The following CSRNP2 variants were observed in gnomAD, a reference collection of about 807,000 sequenced individuals.
CSRNP2 encodes cysteine and serine rich nuclear protein 2.
A neutral mutation model predicts 36.6 loss-of-function variants in CSRNP2; 11 were observed. The observed-to-expected ratio is 0.30, with a 90% CI of 0.19 to 0.50. The LOEUF (loss-of-function observed/expected upper bound fraction) is 0.50, where lower values mean the gene tolerates loss of function less well. CSRNP2 is among the 20% of genes least tolerant of loss of function. CSRNP2 has a pLI of 0.98. For missense variants in CSRNP2, 483 were observed against 691.4 expected, an observed-to-expected ratio of 0.70 and a Z score of 3.38; for synonymous variants, 248 against 275.3, an observed-to-expected ratio of 0.90 and a Z score of 0.98.
At chr12:51,080,407 T>TGCAGCAAA in intron 1 of CSRNP2, among the ~76,000 whole-genome samples, 1 of 152,204 alleles carries the variant, frequency 6.6e-6, no homozygotes, top group Non-Finnish European at 1.5e-5. Flanking sequence ...GGTTACTTTT[T>TGCAGCAAA]GTGAACTTGG....
At chr12:51,068,923 A>C (rs2136877610) in intron 3 of CSRNP2, among the ~76,000 whole-genome samples, 1 of 152,380 alleles carries the variant, frequency 6.6e-6, no homozygotes, top group East Asian at 1.9e-4. Flanking sequence ...CAAATATATT[A>C]ACAGGTATTA....
At chr12:51,081,809 TA>T (rs1471020874) in intron 1 of CSRNP2, among the ~76,000 whole-genome samples, 1 of 109,568 alleles carries the variant, frequency 9.1e-6, no homozygotes, top group African/African-American at 3.3e-5. Context: ...AGGATTCCTA[TA>T]ACCACCAAAA....
intron 1 of CSRNP2, among the ~76,000 whole-genome samples, chr12:51,079,182 A>T (rs961259834): frequency 2.0e-5 from 3 of 152,056 alleles, no homozygotes; most frequent in Non-Finnish European, 2.9e-5. Context: ...ATGAGAACAC[A>T]TGGACACAGG....
chr12:51,070,186 T>C (rs1484667295), intron 3 of CSRNP2, among the ~76,000 whole-genome samples: 1 of 152,158 alleles, frequency 6.6e-6, no homozygotes, highest in African/African-American at 2.4e-5. Context: ...GAGCCTTTGG[T>C]TGATTTCATC....
rs542165533 is a variant in CSRNP2, at chr12:51,077,630, T to C, written c.-86-983A>G. Among the ~76,000 whole-genome samples the C allele has an allele frequency of 7.2e-5, 11 of 152,274 alleles. No homozygotes were observed. The South Asian group carries it at 1.4e-3, about 20-fold the overall frequency. On this transcript the variant is annotated intron_variant, in intron 1 of 4. Transcript: ENST00000228515. ...CACCAGGCTTCTATAAAGGTCAAAT[T>C]TGGTACCAAAGAATGGACCCAAGAT...
chr12:51,069,294 T>C (rs1938807654), intron 3 of CSRNP2, among the ~76,000 whole-genome samples: 3 of 149,474 alleles, frequency 2.0e-5, no homozygotes, highest in Non-Finnish European at 3.0e-5. Context: ...TTTCTTTTTT[T>C]TTTTTTTTTT....
At position 51,064,019 on chromosome 12, in the gene CSRNP2, A is replaced by G. The variant is rs1267803722; in HGVS notation, c.1359T>C (p.Ser453=). 1 of 1,614,052 alleles carries G rather than the reference A, an allele frequency of 6.2e-7. No individual in the cohort carries two copies. The highest frequency in any genetic ancestry group is 8.5e-7 in the Non-Finnish European group (1 of 1,180,026). Residue 453 remains serine (S), a synonymous_variant, in exon 5 of 5, where the codon TCT becomes TCC. Coordinates refer to ENST00000228515, the MANE Select transcript of CSRNP2 (RefSeq NM_030809.3). ...FPKEKDLNVF[S]LPVTSLVACS... is the part of the protein sequence containing the mutation. The stretch of plus-strand genomic sequence containing the variant: ...AAGCCACGAGTGAGGTAACAGGGAG[A>G]GAGAAGACATTCAGATCCTTCTCCT...
chr12:51,069,834 A>G (rs1938908621), intron 3 of CSRNP2, among the ~76,000 whole-genome samples: 1 of 151,884 alleles, frequency 6.6e-6, no homozygotes, highest in Admixed American at 6.6e-5. Flanking sequence ...TTGGGACTAC[A>G]GGCGCCTGCC....
At chr12:51,082,657 C>G (rs1193606284) in intron 1 of CSRNP2, 1 of 152,154 alleles carries the variant, frequency 6.6e-6, no homozygotes, top group African/African-American at 2.4e-5. Context: ...GACCACAGCA[C>G]TAAAAGGGAC....
At position 51,062,260 on chromosome 12, in the gene CSRNP2, C is replaced by T. The variant is rs1322851566; in HGVS notation, c.*1486G>A. 1 of 152,180 alleles carries T rather than the reference C, an allele frequency of 6.6e-6. No homozygotes were observed. The highest frequency in any genetic ancestry group is 1.5e-5 in the Non-Finnish European group (1 of 68,054). The allele number at this position is 152,180 out of a possible 1,614,324, so 9.4% of individuals were successfully genotyped here. A position where few individuals can be genotyped will look rare whatever the true frequency, so the allele number is the denominator to read the frequency against. On this transcript the variant is annotated 3_prime_UTR_variant, in exon 5 of 5. Transcript: ENST00000228515. The stretch of plus-strand genomic sequence containing the variant: ...AAGATAAGTAGGAGTAGTGTCTCCC[C>T]CCCAACACAGTTTTTCACTTTTGTG...
intron 3 of CSRNP2, among the ~76,000 whole-genome samples, chr12:51,072,578 A>C (rs1027100525): frequency 1.4e-5 from 2 of 146,344 alleles, no homozygotes; most frequent in African/African-American, 5.0e-5. Flanking sequence ...AAAAAAAAAA[A>C]AAAAAAAAAA....
intron 1 of CSRNP2, among the ~76,000 whole-genome samples, chr12:51,081,858 A>AACC (rs755047595): frequency 1.1e-4 from 17 of 151,678 alleles, no homozygotes; most frequent in Admixed American, 5.2e-4. Context: ...ACAAAAAAAA[A>AACC]CAGCATATGT....
intron 2 of CSRNP2, 83 bp from the exon 3 acceptor site, chr12:51,074,165 T>C (rs1008746888): frequency 4.0e-5 from 58 of 1,445,248 alleles, no homozygotes; most frequent in East Asian, 5.0e-5. Flanking sequence ...TTGCCCAGGC[T>C]GGAGTGCTGT....
intron 3 of CSRNP2, among the ~76,000 whole-genome samples, chr12:51,070,451 T>C (rs1490381816): frequency 6.6e-6 from 1 of 152,090 alleles, no homozygotes; most frequent in Non-Finnish European, 1.5e-5. Context: ...CCCCTAAGCA[T>C]ACCCCCTCCT....
chr12:51,066,215 G>A (rs1938263455), intron 4 of CSRNP2, among the ~76,000 whole-genome samples: 1 of 152,188 alleles, frequency 6.6e-6, no homozygotes. Context: ...AGCACTTTGG[G>A]AGGCTGAGGC....
chr12:51,068,824 G>C (rs1477624862), intron 3 of CSRNP2, among the ~76,000 whole-genome samples: 1 of 152,062 alleles, frequency 6.6e-6, no homozygotes, highest in Non-Finnish European at 1.5e-5. Context: ...AAGGCTACCA[G>C]GTCTTAATCA....
In CSRNP2 at chr12:51,073,927, G is replaced by A. The variant is rs1359550252; in HGVS notation, c.307C>T (p.Arg103Trp). The change falls in exon 3 of 5, where the codon CGG becomes TGG. Residue 103 changes from arginine to tryptophan, a missense_variant. Arg to Trp is a moderately radical substitution (Grantham distance 101). This residue lies in a region of CSRNP2 where 206 missense variants were observed against 367.8 expected (regional missense o/e 0.56). Coordinates refer to ENST00000228515, the MANE Select transcript of CSRNP2 (RefSeq NM_030809.3). ...LGMAQRHNSV[R>W]SYTLCEFAQE... is the part of the protein sequence containing the mutation. ...GCAAACTCACAGAGTGTATAGCTCC[G>A]TACAGAGTTATGGCGCTGGGCCATG... The A allele has an allele frequency of 1.2e-6, 2 of 1,613,898 alleles. No homozygotes were observed. Among genetic ancestry groups the A allele is most frequent in the African/African-American group, 1.3e-5 (1 of 74,864 alleles).
Position 51,067,943 on chromosome 12 carries a change from C to T in CSRNP2, c.438G>A (p.Ser146=), listed in dbSNP as rs1312013203. The T allele has an allele frequency of 1.2e-5, 19 of 1,613,984 alleles. No homozygotes were observed. The highest frequency in any genetic ancestry group is 3.3e-5 in the Admixed American group (2 of 59,990). The change falls in exon 4 of 5, where the codon TCG becomes TCA. Residue 146 remains serine (S), a synonymous_variant. Coordinates refer to ENST00000228515, the MANE Select transcript of CSRNP2 (RefSeq NM_030809.3). This position sits in a 1 kb window ranked among gnomAD's most constrained non-coding sequence, Gnocchi z 4.1. ...CCAGCGTCAGGCCATCAGCCTCCAC[C>T]GACTCCACTGTCCCATTCTTGGTCA... The part of the protein sequence containing the change: ...MKLTKNGTVE[S]VEADGLTLDD...
chr12:51,073,002 A>G (rs1939247754), intron 3 of CSRNP2, among the ~76,000 whole-genome samples: 1 of 152,062 alleles, frequency 6.6e-6, no homozygotes, highest in African/African-American at 2.4e-5. Context: ...GGGAAGGACC[A>G]CTTGAGCCCA....
Sources: gnomAD v4.1 joint callset for allele counts (sites outside exome capture counted in the v4.1 genomes callset) on GRCh38, gnomAD v4.1.1 for gene constraint, gnomAD v4.1.1 regional missense constraint, Gnocchi (gnomAD v3.1) non-coding constraint, MANE v1.5 for transcripts, NCBI Gene and HGNC (gene_info 2026-07-23, HGNC 2026-07-21) for gene names.